The following SPAST variants were observed in gnomAD, a reference collection of about 807,000 sequenced individuals.
The protein encoded by SPAST is spastin, also known as spastic paraplegia 4 (autosomal dominant; spastin).
SPAST carries 30 observed loss-of-function variants against 76.6 expected under a neutral mutation model. The ratio of observed to expected loss-of-function variants is 0.39; its 90% CI spans 0.29 to 0.53. The LOEUF (loss-of-function observed/expected upper bound fraction) is 0.53, where lower values mean the gene tolerates loss of function less well. Ranked by LOEUF, SPAST falls within the 20% of genes least tolerant of loss-of-function variation. The pLI, the probability that SPAST is intolerant of heterozygous loss-of-function variation, is 0.68. For missense variants in SPAST, 717 were observed against 770.5 expected (o/e 0.93, Z 0.82); for synonymous variants, 305 against 281.0 (o/e 1.09, Z -0.86).
chr2:32,092,542 C>G (rs887172191), intron 3 of SPAST, among the ~76,000 whole-genome samples: 1 of 152,080 alleles, frequency 6.6e-6, no homozygotes, highest in Non-Finnish European at 1.5e-5. Context: ...TTTGTACTTT[C>G]TTATTTGTGT....
chr2:32,099,899 T>C (rs931837479), intron 4 of SPAST, among the ~76,000 whole-genome samples: 2 of 152,178 alleles, frequency 1.3e-5, no homozygotes, highest in African/African-American at 4.8e-5. Context: ...ACATTTTCTT[T>C]ATTCATTCGT....
At chr2:32,067,926 T>C (rs1211699856) in intron 1 of SPAST, among the ~76,000 whole-genome samples, 1 of 151,878 alleles carries the variant, frequency 6.6e-6, no homozygotes, top group African/African-American at 2.4e-5. Flanking sequence ...CTCTTCCTAC[T>C]GATAATGTTT....
At position 32,105,788 on chromosome 2, in the gene SPAST, C is replaced by T. The variant is rs562624699; in HGVS notation, c.682+6897C>T. On this transcript the variant is annotated intron_variant, in intron 4 of 16. Transcript: ENST00000315285. ...CTGCAGAACAGCAAATGTTGCAGAA[C>T]GACAAATGTTGCTGTCTGATCCTTC... Among the ~76,000 whole-genome samples, 19 of 152,278 alleles carry T rather than the reference C, an allele frequency of 1.2e-4. No individual in the cohort carries two copies. In the South Asian group the frequency reaches 2.9e-3, roughly 23 times the overall value.
intron 7 of SPAST, among the ~76,000 whole-genome samples, chr2:32,126,006 A>G (rs532193464): frequency 1.2e-4 from 19 of 152,170 alleles, no homozygotes; most frequent in Admixed American, 7.8e-4. Context: ...CGTGTTAGCC[A>G]GGATGGTCTC....
At position 32,097,005 on chromosome 2, in the gene SPAST, G is replaced by T. The variant is rs1677940642; in HGVS notation, c.587-1791G>T. On this transcript the variant is annotated intron_variant, in intron 3 of 16. Transcript: ENST00000315285. ...TTGACCTGTCCCAAAGGCATGTGTGGTTGTACCGTAAACCAAGCATGGTAC... is the reference window on the plus strand; with the variant it reads ...TTGACCTGTCCCAAAGGCATGTGTGTTTGTACCGTAAACCAAGCATGGTAC... Among the ~76,000 whole-genome samples, 2 of 152,184 alleles carry T rather than the reference G, an allele frequency of 1.3e-5. 1 individual carries two copies. The highest frequency in any genetic ancestry group is 4.1e-4 in the South Asian group (2 of 4,830).
chr2:32,150,105 G>A (rs1051588539), intron 16 of SPAST, among the ~76,000 whole-genome samples: 2 of 141,868 alleles, frequency 1.4e-5, no homozygotes, highest in South Asian at 2.2e-4. Flanking sequence ...GTCTTGCTCT[G>A]TTTCTAGGCT....
At chr2:32,064,482 C>A (rs907382664) in intron 1 of SPAST, among the ~76,000 whole-genome samples, 1 of 152,188 alleles carries the variant, frequency 6.6e-6, no homozygotes, top group African/African-American at 2.4e-5. Context: ...CAGCCTTCCC[C>A]CACACTTCTG....
intron 4 of SPAST, among the ~76,000 whole-genome samples, chr2:32,104,582 G>T (rs1462931693): frequency 6.6e-6 from 1 of 152,130 alleles, no homozygotes; most frequent in Non-Finnish European, 1.5e-5. Context: ...TTTTGCAGTG[G>T]CTTGTACCGG....
intron 7 of SPAST, among the ~76,000 whole-genome samples, chr2:32,121,723 T>C (rs925370318): frequency 6.6e-6 from 1 of 151,680 alleles, no homozygotes; most frequent in African/African-American, 2.4e-5. Context: ...GTTGTATTTT[T>C]AGTAGAGACG....
intron 12 of SPAST, among the ~76,000 whole-genome samples, chr2:32,140,456 C>T (rs1002186714): frequency 7.2e-5 from 11 of 152,208 alleles, no homozygotes; most frequent in African/African-American, 2.4e-4. Context: ...AACCCTGTCT[C>T]TGCTAAAAAT....
chr2:32,145,257 A>G (rs1679849637), intron 15 of SPAST, among the ~76,000 whole-genome samples: 1 of 151,868 alleles, frequency 6.6e-6, no homozygotes, highest in Non-Finnish European at 1.5e-5. Context: ...ATGCCCAGAT[A>G]ATTATTTTAT....
intron 9 of SPAST, among the ~76,000 whole-genome samples, chr2:32,132,286 G>C (rs1236576006): frequency 6.6e-6 from 1 of 152,134 alleles, no homozygotes; most frequent in Non-Finnish European, 1.5e-5. Context: ...AGCCACTTGG[G>C]AGACTGAAGT....
intron 3 of SPAST, among the ~76,000 whole-genome samples, chr2:32,096,565 A>G (rs1029466160): frequency 1.3e-5 from 2 of 152,322 alleles, no homozygotes; most frequent in Middle Eastern, 3.4e-3. Flanking sequence ...GTACTGTTAC[A>G]CTGTATGTGT....
At position 32,136,858 on chromosome 2, in the gene SPAST, A is replaced by C. The variant is rs748912757; in HGVS notation, c.1322-19A>C. The C allele has an allele frequency of 1.8e-5, 29 of 1,590,590 alleles. No homozygotes were observed. Among genetic ancestry groups the C allele is most frequent in the Non-Finnish European group, 2.3e-5 (27 of 1,158,972 alleles). On this transcript the variant is annotated intron_variant, in intron 10 of 16. Coordinates refer to ENST00000315285, the MANE Select transcript of SPAST (RefSeq NM_014946.4). The stretch of plus-strand genomic sequence containing the variant: ...TAGCTTGGTCTTTAATTAAAGTCTT[A>C]TACTTGTATTTCCTCTAGATGAAGT...
At chr2:32,087,776 A>C (rs1156392732) in intron 2 of SPAST, among the ~76,000 whole-genome samples, 198 bp downstream of exon 2, 1 of 144,900 alleles carries the variant, frequency 6.9e-6, no homozygotes, top group African/African-American at 2.5e-5. Flanking sequence ...GCTCACTGCA[A>C]CCTCAAACTT....
chr2:32,115,866 A>G (rs1202554799), intron 6 of SPAST, 31 bp downstream of exon 6: 2 of 1,519,038 alleles, frequency 1.3e-6, no homozygotes, highest in Non-Finnish European at 9.0e-7. Flanking sequence ...GTTTTATTTT[A>G]TAGTTTTTAT....
At chr2:32,083,597 C>T (rs13011700) in intron 1 of SPAST, among the ~76,000 whole-genome samples, 7,424 of 147,614 alleles carry the variant, frequency 0.05, 237 homozygotes, top group Middle Eastern at 0.1. Context: ...TCTTTTTATA[C>T]GCTTACTTGC....
chr2:32,111,579 A>AT (rs1237408741), intron 4 of SPAST, among the ~76,000 whole-genome samples: 3 of 150,818 alleles, frequency 2.0e-5, no homozygotes, highest in South Asian at 2.1e-4. Context: ...TATTAATGAT[A>AT]TTTTTTCCCT....
intron 7 of SPAST, among the ~76,000 whole-genome samples, chr2:32,123,104 A>C (rs549264481): frequency 6.6e-6 from 1 of 152,252 alleles, no homozygotes; most frequent in East Asian, 1.9e-4. Context: ...TCTACTAAAA[A>C]TACAAAAATT....
Sources: allele counts gnomAD v4.1 joint callset (sites outside exome capture counted in the v4.1 genomes callset), GRCh38; gene constraint gnomAD v4.1.1; transcripts MANE v1.5; gene names NCBI Gene and HGNC (gene_info 2026-07-23, HGNC 2026-07-21).